Variants in OSBPL10 observed in about 807,000 individuals in gnomAD.
OSBPL10 encodes oxysterol-binding protein-related protein 10.
In OSBPL10, 49 loss-of-function variants were observed where a neutral mutation model predicts 81.7. The ratio of observed to expected loss-of-function variants is 0.60; its 90% CI spans 0.48 to 0.76. The LOEUF is 0.76. Among genes scored for constraint, OSBPL10 ranks in the 30% least tolerant of loss-of-function variants. The pLI is 0.00. For missense variants in OSBPL10, 923 were observed against 987.8 expected, an observed-to-expected ratio of 0.93 and a Z score of 0.88; for synonymous variants, 419 against 383.6, an observed-to-expected ratio of 1.09 and a Z score of -1.08.
intron 2 of OSBPL10, among the ~76,000 whole-genome samples, chr3:31,995,065 G>C (rs1485705139): frequency 2.0e-5 from 3 of 152,160 alleles, no homozygotes; most frequent in African/African-American, 4.8e-5. Context: ...AAAAAGCAGA[G>C]TAAAGATCAT....
intron 2 of OSBPL10, chr3:31,989,429 A>C (rs1384238949): frequency 6.2e-7 from 1 of 1,614,110 alleles, no homozygotes; most frequent in African/African-American, 1.3e-5. Context: ...TTTCAATGGC[A>C]AGAAGACAAA....
intron 2 of OSBPL10, chr3:31,991,329 A>T (rs530647854): frequency 6.5e-4 from 145 of 224,746 alleles, no homozygotes; most frequent in African/African-American, 3.2e-3. Context: ...ATTGTGTTGA[A>T]TCTAAATCAC....
chr3:31,801,957 G>A (rs975589088), intron 4 of OSBPL10, among the ~76,000 whole-genome samples: 1 of 151,924 alleles, frequency 6.6e-6, no homozygotes, highest in Non-Finnish European at 1.5e-5. Context: ...CTGAGTAGCT[G>A]GGATTATAGG....
intron 1 of OSBPL10, among the ~76,000 whole-genome samples, chr3:32,074,362 C>T (rs1699856990): frequency 6.6e-6 from 1 of 152,188 alleles, no homozygotes; most frequent in Non-Finnish European, 1.5e-5. Context: ...TTATGCATCT[C>T]TCGACAACAG....
intron 6 of OSBPL10, chr3:31,721,618 T>C (rs891445815): frequency 6.6e-6 from 1 of 152,238 alleles, no homozygotes; most frequent in Non-Finnish European, 1.5e-5. Flanking sequence ...TTGTAAACCA[T>C]GCTCCATTAT....
In OSBPL10 at chr3:31,870,618, C is replaced by A. The variant is rs182698221; in HGVS notation, c.537+5815G>T. Among the ~76,000 whole-genome samples, 386 of 152,350 alleles carry A rather than the reference C, an allele frequency of 2.5e-3. 5 individuals are homozygous for A. Among genetic ancestry groups the A allele is most frequent in the African/African-American group, 8.8e-3 (366 of 41,580 alleles). On this transcript the variant is annotated intron_variant, in intron 3 of 11. Coordinates refer to ENST00000396556, the MANE Select transcript of OSBPL10 (RefSeq NM_017784.5). Reference sequence around the variant, plus strand: ...CCTTGGAGAACCTTTATGTCTAGCGCAGGGATTGTAAATACACCAATTGGC... The same window carrying A: ...CCTTGGAGAACCTTTATGTCTAGCGAAGGGATTGTAAATACACCAATTGGC...
At chr3:31,901,450 C>A (rs1330702291) in intron 1 of OSBPL10, among the ~76,000 whole-genome samples, 1 of 152,170 alleles carries the variant, frequency 6.6e-6, no homozygotes, top group Non-Finnish European at 1.5e-5. Flanking sequence ...CTATCCTGAT[C>A]CCACTGTCTG....
intron 3 of OSBPL10, among the ~76,000 whole-genome samples, chr3:31,867,647 G>T (rs1409936796): frequency 6.6e-6 from 1 of 152,092 alleles, no homozygotes; most frequent in Non-Finnish European, 1.5e-5. Context: ...GGAGGCTGAG[G>T]CAAGAGAATT....
chr3:31,872,931 C>A (rs1194858743), intron 3 of OSBPL10, among the ~76,000 whole-genome samples: 1 of 152,134 alleles, frequency 6.6e-6, no homozygotes, highest in African/African-American at 2.4e-5. Context: ...GCCTCAAAAA[C>A]TTTTTTGTAA....
chr3:31,987,782 G>A (rs1446225441), intron 2 of OSBPL10, among the ~76,000 whole-genome samples: 2 of 152,178 alleles, frequency 1.3e-5, no homozygotes, highest in East Asian at 3.9e-4. Flanking sequence ...CTAGAAGACT[G>A]GGACATTTAT....
At chr3:31,893,354 AACC>A (rs1471755124) in intron 1 of OSBPL10, among the ~76,000 whole-genome samples, 2 of 152,228 alleles carry the variant, frequency 1.3e-5, no homozygotes, top group African/African-American at 2.4e-5. Flanking sequence ...TGCAAATTAA[AACC>A]ACAATGAGAT....
At chr3:31,892,704 C>A (rs1695931358) in intron 1 of OSBPL10, among the ~76,000 whole-genome samples, 1 of 152,112 alleles carries the variant, frequency 6.6e-6, no homozygotes, top group African/African-American at 2.4e-5. Context: ...GGTTCTGCTG[C>A]CTGAGGGAGA....
At position 31,877,586 on chromosome 3, in the gene OSBPL10, AAAC is replaced by A. The variant is rs375863722; in HGVS notation, c.458-1077_458-1075del. Among the ~76,000 whole-genome samples, 436 of 152,306 alleles carry A rather than the reference AAAC, an allele frequency of 2.9e-3. 4 individuals are homozygous for A. Among genetic ancestry groups the A allele is most frequent in the African/African-American group, 9.9e-3 (411 of 41,568 alleles). ...CATAAATGTTGACTATGAAAAAAAA[AAAC>A]AACGATTCCCTGGAAATTATATCTG... On this transcript the variant is annotated intron_variant, in intron 2 of 11. Transcript: ENST00000396556.
chr3:31,990,414 G>A (rs948471262), intron 2 of OSBPL10: 1 of 1,613,338 alleles, frequency 6.2e-7, no homozygotes, highest in African/African-American at 1.3e-5. Flanking sequence ...TAGTTCATTG[G>A]CGAACTCATA....
chr3:31,929,456 G>C (rs1266851436), intron 1 of OSBPL10, among the ~76,000 whole-genome samples: 1 of 152,142 alleles, frequency 6.6e-6, no homozygotes, highest in African/African-American at 2.4e-5. Context: ...GTTACAAAAA[G>C]TAAAATATCG....
chr3:31,863,311 CAG>C (rs567672267), intron 3 of OSBPL10, among the ~76,000 whole-genome samples: 99 of 152,200 alleles, frequency 6.5e-4, no homozygotes, highest in African/African-American at 2.3e-3. Context: ...AACAGGGAAA[CAG>C]GGGATTTTTT....
chr3:31,852,396 A>G (rs1401420901), intron 3 of OSBPL10, among the ~76,000 whole-genome samples: 5 of 152,130 alleles, frequency 3.3e-5, no homozygotes, highest in African/African-American at 1.2e-4. Flanking sequence ...CTTCACAACA[A>G]CTATTATCCA....
At chr3:31,740,539 C>T (rs1358040443) in intron 5 of OSBPL10, among the ~76,000 whole-genome samples, 1 of 151,206 alleles carries the variant, frequency 6.6e-6, no homozygotes. Flanking sequence ...GCCCTGTCTT[C>T]ATCATTAAAG....
intron 4 of OSBPL10, among the ~76,000 whole-genome samples, chr3:31,809,094 G>C (rs944193746): frequency 6.6e-6 from 1 of 152,132 alleles, no homozygotes; most frequent in African/African-American, 2.4e-5. Flanking sequence ...AATTATTTTA[G>C]ACATACTAGC....
Sources: allele counts gnomAD v4.1 joint callset (sites outside exome capture counted in the v4.1 genomes callset), GRCh38; gene constraint gnomAD v4.1.1; transcripts MANE v1.5; gene names NCBI Gene and HGNC (gene_info 2026-07-23, HGNC 2026-07-21).